Variants in PSME4 observed in about 807,000 individuals in gnomAD.
PSME4 encodes the protein proteasome activator complex subunit 4.
Under a neutral mutation model 253.9 loss-of-function variants are expected in PSME4, and 89 were observed. The observed-to-expected ratio is 0.35, with a 90% confidence interval of 0.30 to 0.42. PSME4 has a LOEUF of 0.42. Ranked by LOEUF, PSME4 falls within the 10% of genes least tolerant of loss-of-function variation. The pLI is 1.00. For synonymous variants in PSME4, 851 were observed against 759.2 expected, an observed-to-expected ratio of 1.12 and a Z score of -1.99; for missense variants, 2,014 against 2,195.2, an observed-to-expected ratio of 0.92 and a Z score of 1.65.
In PSME4 at chr2:53,925,585, G is replaced by C. The variant is rs757233618; in HGVS notation, c.1763C>G (p.Ser588Cys). The change falls in exon 14 of 47, where the codon TCT becomes TGT. Residue 588 changes from serine to cysteine, a missense_variant. Coordinates refer to ENST00000404125, the MANE Select transcript of PSME4 (RefSeq NM_014614.3). Reference sequence around the variant, plus strand: ...TTGGGTGAGGATTGTACTAAACGTAGAAGACAGACCTAATTCGACCAAACT... The same window carrying C: ...TTGGGTGAGGATTGTACTAAACGTACAAGACAGACCTAATTCGACCAAACT... ...LESLVELGLS[S>C]TFSTILTQCS... The C allele has an allele frequency of 6.2e-7, 1 of 1,605,548 alleles. No individual in the cohort carries two copies. Among genetic ancestry groups the C allele is most frequent in the African/African-American group, 1.3e-5 (1 of 74,822 alleles).
chr2:53,922,523 C>T lies in PSME4; in HGVS notation c.2040G>A (p.Leu680=). 1 of 1,612,510 alleles carries T rather than the reference C, an allele frequency of 6.2e-7. No homozygotes were observed. Among genetic ancestry groups the T allele is most frequent in the Non-Finnish European group, 8.5e-7 (1 of 1,179,410 alleles). The part of the protein sequence containing the change: ...DKELLWNLQL[L]SEITRVDGRK... ...TTCCAAAGATTTACAATACCTCAGA[C>T]AAAAGTTGAAGATTCCATAGTAATT... Residue 680 remains leucine, a synonymous_variant, in exon 17 of 47, where the codon TTG becomes TTA. Coordinates refer to ENST00000404125, the MANE Select transcript of PSME4 (RefSeq NM_014614.3).
intron 20 of PSME4, among the ~76,000 whole-genome samples, chr2:53,912,972 C>G (rs1376971851): frequency 6.6e-6 from 1 of 152,182 alleles, no homozygotes; most frequent in Non-Finnish European, 1.5e-5. Context: ...GATCTATATT[C>G]TGACTAAAAG....
At chr2:53,965,081 G>A (rs1394008045) in intron 1 of PSME4, among the ~76,000 whole-genome samples, 1 of 151,604 alleles carries the variant, frequency 6.6e-6, no homozygotes, top group African/African-American at 2.4e-5. Context: ...TCAAAATTCT[G>A]TTTAAACACA....
chr2:53,940,963 A>T (rs1378641674), intron 3 of PSME4, among the ~76,000 whole-genome samples: 803 of 54,422 alleles, frequency 0.015, 75 homozygotes, highest in African/African-American at 0.04. Context: ...ATATATATAT[A>T]TATATATATA....
intron 20 of PSME4, among the ~76,000 whole-genome samples, chr2:53,914,726 C>A (rs148293710): frequency 6.6e-6 from 1 of 152,004 alleles, no homozygotes; most frequent in African/African-American, 2.4e-5. Context: ...ACTAAAAATA[C>A]AAAAATTAGC....
chr2:53,919,178 G>C lies in PSME4; in HGVS notation c.2489C>G (p.Pro830Arg). ...CLIGSGNLLP[P>R]LKGEPVTNLV... ...GTTAGTAACTGGCTCTCCTTTCAACGGAGGTAGGAGGTTTCCAGAGCCAAT... is the reference window on the plus strand; with the variant it reads ...GTTAGTAACTGGCTCTCCTTTCAACCGAGGTAGGAGGTTTCCAGAGCCAAT... Residue 830 changes from proline (P) to arginine (R), a missense_variant, in exon 20 of 47, where the codon CCG (proline) becomes CGG (arginine). This residue lies in a region of PSME4 where 989 missense variants were observed against 1,021.1 expected (regional missense o/e 0.97). Coordinates refer to ENST00000404125, the MANE Select transcript of PSME4 (RefSeq NM_014614.3). The C allele has an allele frequency of 6.2e-7, 1 of 1,612,264 alleles. No individual in the cohort carries two copies. The highest frequency in any genetic ancestry group is 8.5e-7 in the Non-Finnish European group (1 of 1,179,280).
intron 20 of PSME4, among the ~76,000 whole-genome samples, chr2:53,916,744 T>TA (rs891502788): frequency 1.4e-4 from 22 of 151,934 alleles, no homozygotes; most frequent in African/African-American, 3.6e-4. Flanking sequence ...AACCATCTGT[T>TA]AAAAAAAAGT....
intron 1 of PSME4, among the ~76,000 whole-genome samples, chr2:53,968,062 C>CAGG (rs1168036485): frequency 6.6e-6 from 1 of 152,066 alleles, no homozygotes; most frequent in Non-Finnish European, 1.5e-5. Context: ...TGCTTGAGGT[C>CAGG]AGGAGTTCAA....
Position 53,965,589 on chromosome 2 carries a change from AT to A in PSME4, c.242+4953del, listed in dbSNP as rs1354730458. The stretch of plus-strand genomic sequence containing the variant: ...TCAAGAGTTCTACTATCAAGGAAGT[AT>A]TTTTTTTTTTAATGAGTGGGGTTTT... On this transcript the variant is annotated intron_variant, in intron 1 of 46. Transcript: ENST00000404125. Among the ~76,000 whole-genome samples the A allele has an allele frequency of 8.2e-3, 1,181 of 143,412 alleles. 11 individuals carry two copies. Among genetic ancestry groups the A allele is most frequent in the African/African-American group, 0.026 (1,019 of 39,172 alleles). The allele number at this position is 143,412 out of a possible 152,430, so 94.1% of individuals were successfully genotyped here.
At chr2:53,895,811 G>C in intron 32 of PSME4, 75 bp from the exon 33 acceptor site, 2 of 1,331,848 alleles carry the variant, frequency 1.5e-6, no homozygotes, top group South Asian at 2.9e-5. Context: ...TCAATCAACA[G>C]TACCAGCATA....
chr2:53,958,372 C>T (rs28530785), intron 1 of PSME4, among the ~76,000 whole-genome samples: 2 of 151,186 alleles, frequency 1.3e-5, no homozygotes, highest in African/African-American at 2.4e-5. Flanking sequence ...AACAAAAAAA[C>T]AAAAAAACAA....
At chr2:53,955,414 A>C (rs1205873454) in intron 1 of PSME4, among the ~76,000 whole-genome samples, 1 of 152,178 alleles carries the variant, frequency 6.6e-6, no homozygotes, top group Non-Finnish European at 1.5e-5. Context: ...CATTAGCGTT[A>C]GTATATTTTA....
chr2:53,864,532 A>G lies in PSME4; in HGVS notation c.*1046T>C, dbSNP rs1431401402. The G allele has an allele frequency of 1.3e-5, 2 of 152,598 alleles. No homozygotes were observed. Among genetic ancestry groups the G allele is most frequent in the Non-Finnish European group, 2.9e-5 (2 of 68,034 alleles). 9.5% of individuals were successfully genotyped at this position (152,598 alleles called of 1,614,324 possible). A position where few individuals can be genotyped will look rare whatever the true frequency, so the allele number is the denominator to read the frequency against. ...TTCAGTGGGTACAAAGCCCAAAATC[A>G]CTATAATAAAGAACTACACGTGAAT... On this transcript the variant is annotated 3_prime_UTR_variant, in exon 47 of 47. Coordinates refer to ENST00000404125, the MANE Select transcript of PSME4 (RefSeq NM_014614.3).
chr2:53,916,044 T>C (rs1668046447), intron 20 of PSME4, among the ~76,000 whole-genome samples: 1 of 151,918 alleles, frequency 6.6e-6, no homozygotes, highest in African/African-American at 2.4e-5. Flanking sequence ...CATTGTACTC[T>C]AGCCTGGGTG....
chr2:53,960,398 CAAAA>C (rs1355944056), intron 1 of PSME4, among the ~76,000 whole-genome samples: 2 of 55,266 alleles, frequency 3.6e-5, no homozygotes, highest in Admixed American at 2.1e-4. Flanking sequence ...GACTCCATCT[CAAAA>C]AAAAAAAAAA....
At chr2:53,960,482 T>C (rs1041281887) in intron 1 of PSME4, among the ~76,000 whole-genome samples, 1 of 150,410 alleles carries the variant, frequency 6.6e-6, no homozygotes, top group African/African-American at 2.4e-5. Context: ...CAAGGAGAAA[T>C]AACAGAATAA....
chr2:53,948,101 G>A (rs563984242), intron 3 of PSME4, among the ~76,000 whole-genome samples: 16 of 152,192 alleles, frequency 1.1e-4, no homozygotes, highest in Non-Finnish European at 1.8e-4. Context: ...ATACCTGTCA[G>A]TCTAGTATGA....
chr2:53,960,269 G>T (rs571299014), intron 1 of PSME4, among the ~76,000 whole-genome samples: 77 of 152,008 alleles, frequency 5.1e-4, no homozygotes, highest in African/African-American at 1.8e-3. Flanking sequence ...CATGGTGGCG[G>T]GCGCCTGTAA....
At chr2:53,900,457 G>C (rs1044165562) in intron 28 of PSME4, among the ~76,000 whole-genome samples, 2 of 151,704 alleles carry the variant, frequency 1.3e-5, no homozygotes. Flanking sequence ...TATAGTCCTA[G>C]TTACTAGGAA....
Sources: allele counts gnomAD v4.1 joint callset (sites outside exome capture counted in the v4.1 genomes callset), GRCh38; gene constraint gnomAD v4.1.1; regional missense constraint gnomAD v4.1.1; transcripts MANE v1.5; gene names NCBI Gene and HGNC (gene_info 2026-07-23, HGNC 2026-07-21).